SDCCAG8: variants seen among roughly 807,000 people sequenced by gnomAD.
SDCCAG8 encodes SHH signaling and ciliogenesis regulator SDCCAG8, also known as serologically defined colon cancer antigen 8.
Under a neutral mutation model 101.8 loss-of-function variants are expected in SDCCAG8, and 74 were observed. The ratio of observed to expected loss-of-function variants is 0.73; its 90% CI spans 0.60 to 0.88. The LOEUF is 0.88. Ranked by LOEUF, SDCCAG8 falls within the 40% of genes least tolerant of loss-of-function variation. The pLI, the probability that SDCCAG8 is intolerant of heterozygous loss-of-function variation, is 0.00. For missense variants in SDCCAG8, 787 were observed against 822.6 expected, an observed-to-expected ratio of 0.96 and a Z score of 0.53; for synonymous variants, 281 against 292.9, an observed-to-expected ratio of 0.96 and a Z score of 0.41.
chr1:243,257,105 C>G (rs2066804303), intron 1 of SDCCAG8, among the ~76,000 whole-genome samples: 2 of 152,102 alleles, frequency 1.3e-5, no homozygotes, highest in African/African-American at 2.4e-5. Context: ...TTGTGGGGAG[C>G]AAATGAAATA....
intron 16 of SDCCAG8, among the ~76,000 whole-genome samples, chr1:243,453,619 G>T (rs1010278961): frequency 2.0e-5 from 3 of 152,128 alleles, no homozygotes; most frequent in African/African-American, 7.2e-5. Flanking sequence ...GAATGATCAG[G>T]TTATCTCATT....
intron 3 of SDCCAG8, among the ~76,000 whole-genome samples, chr1:243,272,534 T>C (rs2068178943): frequency 6.6e-6 from 1 of 152,232 alleles, no homozygotes; most frequent in Non-Finnish European, 1.5e-5. Flanking sequence ...TGCTTTTAAA[T>C]CTACTAGATG....
chr1:243,357,096 T>C (rs1365517836), intron 12 of SDCCAG8, among the ~76,000 whole-genome samples: 1 of 152,210 alleles, frequency 6.6e-6, no homozygotes, highest in Non-Finnish European at 1.5e-5. Context: ...AGGTAACTTT[T>C]GGGCCGGGTG....
At chr1:243,332,428 A>G (rs2074672691) in intron 10 of SDCCAG8, among the ~76,000 whole-genome samples, 1 of 152,144 alleles carries the variant, frequency 6.6e-6, no homozygotes, top group African/African-American at 2.4e-5. Context: ...ATCGTAGTCC[A>G]GGTCTGGAGG....
intron 1 of SDCCAG8, chr1:243,267,894 T>A (rs946900002): frequency 6.2e-6 from 7 of 1,135,134 alleles, no homozygotes; most frequent in Non-Finnish European, 8.1e-6. Flanking sequence ...GAAAAGTTGA[T>A]AAAGTTGGTA....
intron 13 of SDCCAG8, among the ~76,000 whole-genome samples, chr1:243,410,143 T>A (rs1212422223): frequency 6.6e-6 from 1 of 152,200 alleles, no homozygotes; most frequent in East Asian, 1.9e-4. Flanking sequence ...TATGTGTATT[T>A]CTTCCCAACT....
intron 16 of SDCCAG8, among the ~76,000 whole-genome samples, chr1:243,479,715 C>T (rs1663097290): frequency 6.6e-6 from 1 of 152,184 alleles, no homozygotes; most frequent in African/African-American, 2.4e-5. Context: ...GTTCTCATGA[C>T]TGACGCCAGA....
intron 16 of SDCCAG8, among the ~76,000 whole-genome samples, chr1:243,443,932 A>G (rs2148105351): frequency 6.6e-6 from 1 of 152,292 alleles, no homozygotes; most frequent in Admixed American, 6.5e-5. Context: ...ATTTTTAATG[A>G]AATATTTTCA....
intron 1 of SDCCAG8, among the ~76,000 whole-genome samples, chr1:243,259,164 G>C (rs2066995605): frequency 6.6e-6 from 1 of 152,094 alleles, no homozygotes; most frequent in Admixed American, 6.5e-5. Flanking sequence ...ACTTTGGGAG[G>C]CTGGGGCGGG....
Position 243,315,304 on chromosome 1 carries a change from TA to T in SDCCAG8, c.930-1450del, listed in dbSNP as rs568423232. Among the ~76,000 whole-genome samples, 4 of 152,326 alleles carry T rather than the reference TA, an allele frequency of 2.6e-5. No homozygotes were observed. In the South Asian group the frequency reaches 8.3e-4, roughly 32 times the overall value. On this transcript the variant is annotated intron_variant, in intron 8 of 17. Coordinates refer to ENST00000366541, the MANE Select transcript of SDCCAG8 (RefSeq NM_006642.5). ...ACACATATTCAATTTTGCTGGTGTT[TA>T]TTTTTTTACTTAACTAGGATAATTT...
chr1:243,258,585 A>C lies in SDCCAG8; in HGVS notation c.67+2345A>C, dbSNP rs575801011. 2.6e-4 allele frequency among the ~76,000 whole-genome samples: 39 copies of C among 152,180 alleles called. No homozygotes were observed. In the South Asian group the frequency reaches 6.8e-3, roughly 27 times the overall value. ...ATGCCCGGCTAATTTTTGTATTTTT[A>C]GTAGAGACTGGGTTTCGCCATGTTG... On this transcript the variant is annotated intron_variant, in intron 1 of 17. Transcript: ENST00000366541.
chr1:243,288,044 A>G (rs2069805389), intron 5 of SDCCAG8, among the ~76,000 whole-genome samples: 1 of 152,246 alleles, frequency 6.6e-6, no homozygotes, highest in African/African-American at 2.4e-5. Context: ...TGAGCTAAAT[A>G]TAATGCAGGT....
chr1:243,260,995 C>T (rs996882287), intron 1 of SDCCAG8, among the ~76,000 whole-genome samples: 3 of 152,054 alleles, frequency 2.0e-5, no homozygotes, highest in East Asian at 1.9e-4. Flanking sequence ...AACTGTAAAA[C>T]GAAAAGTTTG....
chr1:243,307,741 A>G, intron 7 of SDCCAG8: 4 of 1,402,482 alleles, frequency 2.9e-6, no homozygotes, highest in South Asian at 1.6e-5. Flanking sequence ...TCTAATCTAT[A>G]TTAAAATCTT....
intron 12 of SDCCAG8, among the ~76,000 whole-genome samples, chr1:243,359,082 G>T (rs2076549131): frequency 6.6e-6 from 1 of 152,156 alleles, no homozygotes; most frequent in African/African-American, 2.4e-5. Flanking sequence ...TCATGTCCAG[G>T]TAGAGATTTA....
intron 11 of SDCCAG8, among the ~76,000 whole-genome samples, chr1:243,343,140 G>C (rs2075482949): frequency 6.6e-6 from 1 of 152,120 alleles, no homozygotes. Flanking sequence ...ATGCATATAG[G>C]TTTTATACCT....
intron 1 of SDCCAG8, 45 bp downstream of exon 1, chr1:243,256,285 G>C: frequency 6.5e-7 from 1 of 1,545,926 alleles, no homozygotes; most frequent in Non-Finnish European, 8.9e-7. Context: ...GGTGCCCAGG[G>C]CCTAGTGGGC....
intron 12 of SDCCAG8, among the ~76,000 whole-genome samples, chr1:243,350,152 A>G (rs2076001675): frequency 6.6e-6 from 1 of 152,258 alleles, no homozygotes; most frequent in East Asian, 1.9e-4. Flanking sequence ...TCTATATTGT[A>G]TGGCTTTGTG....
chr1:243,352,187 C>CA (rs1436298610), intron 12 of SDCCAG8, among the ~76,000 whole-genome samples: 1 of 152,030 alleles, frequency 6.6e-6, no homozygotes, highest in Non-Finnish European at 1.5e-5. Flanking sequence ...CTGAAAATAG[C>CA]AATTTAGGTA....
Sources: gnomAD v4.1 joint callset for allele counts (sites outside exome capture counted in the v4.1 genomes callset) on GRCh38, gnomAD v4.1.1 for gene constraint, MANE v1.5 for transcripts, NCBI Gene and HGNC (gene_info 2026-07-23, HGNC 2026-07-21) for gene names.